GPD1L: variants seen among roughly 807,000 people sequenced by gnomAD.
GPD1L encodes the protein glycerol-3-phosphate dehydrogenase 1-like protein.
A neutral mutation model predicts 32.9 loss-of-function variants in GPD1L; 17 were observed. That is an observed-to-expected ratio of 0.52 (90% CI 0.35 to 0.78). The LOEUF (loss-of-function observed/expected upper bound fraction) is 0.78. GPD1L is among the 30% of genes least tolerant of loss of function. The pLI, the probability that GPD1L is intolerant of heterozygous loss-of-function variation, is 0.01. For missense variants in GPD1L, 361 were observed against 447.8 expected, an observed-to-expected ratio of 0.81 and a Z score of 1.75; for synonymous variants, 187 against 165.9, an observed-to-expected ratio of 1.13 and a Z score of -0.98.
rs1700173599 is a variant in GPD1L at position 32,106,963 on chromosome 3, T to C, written c.47+205T>C. 2.3e-6 allele frequency: 1 copy of C among 433,566 alleles called. No individual in the cohort carries two copies. Among genetic ancestry groups the C allele is most frequent in the African/African-American group, 2.1e-5 (1 of 48,480 alleles). The allele number at this position is 433,566 out of a possible 1,614,324, so 26.9% of individuals were successfully genotyped here. A position where few individuals can be genotyped will look rare whatever the true frequency, so the allele number is the denominator to read the frequency against. On this transcript the variant is annotated intron_variant, in intron 1 of 7. Coordinates refer to ENST00000282541, the MANE Select transcript of GPD1L (RefSeq NM_015141.4). This position sits in a 1 kb window ranked among gnomAD's most constrained non-coding sequence, Gnocchi z 4.0. ...TCGCTCGGGAGGCGCTGGGCTCGCG[T>C]GCGTGCGGGGGACAGCGCGGAGAGA...
chr3:32,143,446 G>A (rs1700776846), intron 4 of GPD1L, among the ~76,000 whole-genome samples: 1 of 152,120 alleles, frequency 6.6e-6, no homozygotes, highest in Non-Finnish European at 1.5e-5. Flanking sequence ...TAAGAGATAT[G>A]TTATAAAACA....
At chr3:32,129,278 A>G (rs1022010618) in intron 2 of GPD1L, among the ~76,000 whole-genome samples, 1 of 152,206 alleles carries the variant, frequency 6.6e-6, no homozygotes, top group East Asian at 1.9e-4. Context: ...TGCACTGTGC[A>G]TGCAAAGCAC....
At chr3:32,111,836 C>T (rs1382784194) in intron 1 of GPD1L, among the ~76,000 whole-genome samples, 3 of 149,292 alleles carry the variant, frequency 2.0e-5, no homozygotes, top group African/African-American at 7.4e-5. Flanking sequence ...TTTTGGTCTG[C>T]TGGAACTGGC....
Position 32,159,090 on chromosome 3 carries a change from C to T in GPD1L, c.833C>T (p.Ala278Val). Residue 278 changes from alanine (A) to valine (V), a missense_variant, in exon 6 of 8, where the codon GCC (alanine) becomes GTC (valine). Coordinates refer to ENST00000282541, the MANE Select transcript of GPD1L (RefSeq NM_015141.4). ...YGGRNRRVAE[A>V]FARTGKTIEE... ...GGGCGGAACCGCAGGGTGGCCGAGG[C>T]CTTCGCCAGAACTGGGAAGGTAGCC... is the stretch of plus-strand genomic sequence containing the variant. 1 of 1,613,544 alleles carries T rather than the reference C, an allele frequency of 6.2e-7. No individual in the cohort carries two copies. The highest frequency in any genetic ancestry group is 1.1e-5 in the South Asian group (1 of 91,078).
chr3:32,138,631 G>A lies in GPD1L; in HGVS notation c.270G>A (p.Leu90=), dbSNP rs2125485191. 1.2e-5 allele frequency: 19 copies of A among 1,613,842 alleles called. No individual in the cohort carries two copies. The highest frequency in any genetic ancestry group is 1.6e-5 in the Non-Finnish European group (19 of 1,179,752). ...GCGAGGCTGTGCAGGATGCAGACCT[G>A]CTGGTGTTTGTCATTCCCCACCAGT... The part of the protein sequence containing the change: ...NLSEAVQDAD[L]LVFVIPHQFI... Residue 90 remains leucine (L), a synonymous_variant, in exon 3 of 8, where the codon CTG becomes CTA. Coordinates refer to ENST00000282541, the MANE Select transcript of GPD1L (RefSeq NM_015141.4).
At chr3:32,158,500 T>G in intron 5 of GPD1L, 2 of 340,874 alleles carry the variant, frequency 5.9e-6, no homozygotes. Context: ...GCACTTAGGA[T>G]TTGTGTACTT....
At chr3:32,141,123 C>A (rs1466850483) in intron 4 of GPD1L, among the ~76,000 whole-genome samples, 1 of 152,174 alleles carries the variant, frequency 6.6e-6, no homozygotes, top group East Asian at 1.9e-4. Flanking sequence ...AACCTGCAAG[C>A]AATATGAATC....
At chr3:32,124,285 T>A (rs553271087) in intron 1 of GPD1L, among the ~76,000 whole-genome samples, 1 of 152,308 alleles carries the variant, frequency 6.6e-6, no homozygotes, top group East Asian at 1.9e-4. Flanking sequence ...CAGGATGGTC[T>A]CAATCTCCTG....
chr3:32,166,486 T>C lies in GPD1L; in HGVS notation c.*576T>C, dbSNP rs781254266. The C allele has an allele frequency of 9.5e-5, 15 of 157,828 alleles. No individual in the cohort carries two copies. Among genetic ancestry groups the C allele is most frequent in the Non-Finnish European group, 1.5e-4 (11 of 71,666 alleles). 9.8% of individuals were successfully genotyped at this position (157,828 alleles called of 1,614,324 possible). ...GATAATCCACTCATGTATTTCCCCC[T>C]CACTGCAGTTGTCTGCATTTTTAGC... On this transcript the variant is annotated 3_prime_UTR_variant, in exon 8 of 8. Transcript: ENST00000282541.
rs947649173 is a variant in GPD1L, at chr3:32,168,019, A to G, written c.*2109A>G. The G allele has an allele frequency of 6.6e-6, 1 of 152,208 alleles. No individual in the cohort carries two copies. Among genetic ancestry groups the G allele is most frequent in the African/African-American group, 2.4e-5 (1 of 41,464 alleles). 9.4% of individuals were successfully genotyped at this position (152,208 alleles called of 1,614,324 possible). A position where few individuals can be genotyped will look rare whatever the true frequency, so the allele number is the denominator to read the frequency against. ...GGGCTGTAAGCTAATTGTGGTGTCT[A>G]GTAAGTAGCATAATGAGATGTGAGG... On this transcript the variant is annotated 3_prime_UTR_variant, in exon 8 of 8. Coordinates refer to ENST00000282541, the MANE Select transcript of GPD1L (RefSeq NM_015141.4).
intron 1 of GPD1L, among the ~76,000 whole-genome samples, chr3:32,115,981 G>A (rs535230076): frequency 4.0e-5 from 6 of 151,600 alleles, no homozygotes; most frequent in Admixed American, 3.3e-4. Context: ...GTAGAGACGG[G>A]GTTTCACCGT....
intron 2 of GPD1L, among the ~76,000 whole-genome samples, chr3:32,135,824 G>A (rs1369330872): frequency 6.6e-6 from 1 of 152,172 alleles, no homozygotes; most frequent in African/African-American, 2.4e-5. Context: ...CCAGGTGGGA[G>A]AGGAATAATG....
rs1478290855 is a variant in GPD1L, at chr3:32,167,331, T to C, written c.*1421T>C. 3 of 152,334 alleles carry C rather than the reference T, an allele frequency of 2.0e-5. No individual in the cohort carries two copies. The highest frequency in any genetic ancestry group is 4.4e-5 in the Non-Finnish European group (3 of 68,018). 9.4% of individuals were successfully genotyped at this position (152,334 alleles called of 1,614,324 possible). On this transcript the variant is annotated 3_prime_UTR_variant, in exon 8 of 8. Coordinates refer to ENST00000282541, the MANE Select transcript of GPD1L (RefSeq NM_015141.4). Reference sequence around the variant, plus strand: ...ACACATTACACTGAAGAGATTTTGGTGAGGAAACTTGCTGGAGTTTTCAGG... The same window carrying C: ...ACACATTACACTGAAGAGATTTTGGCGAGGAAACTTGCTGGAGTTTTCAGG...
chr3:32,162,648 G>A lies in GPD1L; in HGVS notation c.959+2974G>A, dbSNP rs915054354. 3.5e-5 allele frequency among the ~76,000 whole-genome samples: 2 copies of A among 57,634 alleles called. 1 individual carries two copies. Among genetic ancestry groups the A allele is most frequent in the Non-Finnish European group, 6.0e-5 (2 of 33,282 alleles). The allele number at this position is 57,634 out of a possible 152,430, so 37.8% of individuals were successfully genotyped here. A position where few individuals can be genotyped will look rare whatever the true frequency, so the allele number is the denominator to read the frequency against. On this transcript the variant is annotated intron_variant, in intron 7 of 7. Transcript: ENST00000282541. ...GATCCACCCGCCTCGGCCTCCCAAA[G>A]TGCCCTTAATTACCTTTTCAAAGAC...
intron 2 of GPD1L, among the ~76,000 whole-genome samples, chr3:32,135,012 G>A (rs1423284740): frequency 9.9e-5 from 15 of 152,198 alleles, no homozygotes; most frequent in Admixed American, 9.2e-4. Context: ...GACTGAGGTC[G>A]ATGAAGCTGA....
intron 4 of GPD1L, among the ~76,000 whole-genome samples, chr3:32,143,249 G>C (rs1700774126): frequency 6.6e-6 from 1 of 152,046 alleles, no homozygotes; most frequent in Non-Finnish European, 1.5e-5. Flanking sequence ...ATATGAAAGT[G>C]ATGTTTAAAA....
chr3:32,121,277 TG>T (rs1414705400), intron 1 of GPD1L, among the ~76,000 whole-genome samples: 1 of 151,614 alleles, frequency 6.6e-6, no homozygotes, highest in Non-Finnish European at 1.5e-5. Flanking sequence ...CTCTCCTCTC[TG>T]GATGTGTTGG....
At chr3:32,157,340 T>A (rs1701007935) in intron 5 of GPD1L, among the ~76,000 whole-genome samples, 1 of 151,964 alleles carries the variant, frequency 6.6e-6, no homozygotes, top group Admixed American at 6.6e-5. Flanking sequence ...ACCTCCCAGG[T>A]TCACTCCATC....
Position 32,106,875 on chromosome 3 carries a change from C to A in GPD1L, c.47+117C>A. The A allele has an allele frequency of 1.0e-6, 1 of 964,420 alleles. No homozygotes were observed. The highest frequency in any genetic ancestry group is 1.4e-6 in the Non-Finnish European group (1 of 715,872). 59.7% of individuals were successfully genotyped at this position (964,420 alleles called of 1,614,324 possible). A position where few individuals can be genotyped will look rare whatever the true frequency, so the allele number is the denominator to read the frequency against. On this transcript the variant is annotated intron_variant, in intron 1 of 7. Coordinates refer to ENST00000282541, the MANE Select transcript of GPD1L (RefSeq NM_015141.4). This position sits in a 1 kb window ranked among gnomAD's most constrained non-coding sequence, Gnocchi z 4.0. ...GCACCGGGCACTGCGCGCAGGGAGG[C>A]GGGGTGGGCGACCTCGTTGCTGGGC...
Sources: gnomAD v4.1 joint callset for allele counts (sites outside exome capture counted in the v4.1 genomes callset) on GRCh38, gnomAD v4.1.1 for gene constraint, Gnocchi (gnomAD v3.1) non-coding constraint, MANE v1.5 for transcripts, NCBI Gene and HGNC (gene_info 2026-07-23, HGNC 2026-07-21) for gene names.